RIGI: variants seen among roughly 807,000 people sequenced by gnomAD.
RIGI encodes the protein antiviral innate immune response receptor RIG-I.
At chr9:32,480,222 C>T in the RIGI span, 6 of 1,595,140 alleles carry the variant, frequency 3.8e-6, no homozygotes, top group Non-Finnish European at 5.1e-6. Context: ...CACTCACCTT[C>T]AAATCTCTGA....
chr9:32,465,139 A>C, the RIGI span, among the ~76,000 whole-genome samples: 25 of 152,366 alleles, frequency 1.6e-4, no homozygotes, highest in East Asian at 4.8e-3. Flanking sequence ...TGGCTCAGTG[A>C]AGAGAGAATA....
At chr9:32,493,821 G>C in the RIGI span, 1 of 1,609,702 alleles carries the variant, frequency 6.2e-7, no homozygotes, top group African/African-American at 1.3e-5. Flanking sequence ...AAATGATATC[G>C]GTTGGGATAA....
At chr9:32,459,382 T>G in the RIGI span, 1 of 1,613,476 alleles carries the variant, frequency 6.2e-7, no homozygotes, top group East Asian at 2.2e-5. Flanking sequence ...TCTATCACTC[T>G]TACGTCAGCT....
the RIGI span, among the ~76,000 whole-genome samples, chr9:32,479,643 T>C: frequency 6.6e-6 from 1 of 151,860 alleles, no homozygotes; most frequent in East Asian, 1.9e-4. Context: ...TTGAGACCAA[T>C]CTGGCCAACA....
chr9:32,504,680 C>G, the RIGI span, among the ~76,000 whole-genome samples: 1 of 121,944 alleles, frequency 8.2e-6, no homozygotes, highest in South Asian at 2.9e-4. Flanking sequence ...GCAAGGCTGT[C>G]TCAAAAACAT....
the RIGI span, among the ~76,000 whole-genome samples, chr9:32,493,044 A>G: frequency 6.6e-6 from 1 of 152,210 alleles, no homozygotes; most frequent in Non-Finnish European, 1.5e-5. Flanking sequence ...ATTATAAGGT[A>G]ACATTATTAT....
At chr9:32,477,940 GAAAA>G in the RIGI span, among the ~76,000 whole-genome samples, 4 of 151,500 alleles carry the variant, frequency 2.6e-5, no homozygotes, top group African/African-American at 9.7e-5. Flanking sequence ...AAAGGAAAAA[GAAAA>G]AAAATACATA....
At chr9:32,483,912 A>G in the RIGI span, among the ~76,000 whole-genome samples, 1 of 152,044 alleles carries the variant, frequency 6.6e-6, no homozygotes, top group Non-Finnish European at 1.5e-5. Flanking sequence ...CTGCTTTAGT[A>G]TTAGTATTAC....
At chr9:32,508,558 C>T in the RIGI span, among the ~76,000 whole-genome samples, 1 of 152,048 alleles carries the variant, frequency 6.6e-6, no homozygotes, top group Non-Finnish European at 1.5e-5. Flanking sequence ...AGGAACAGTG[C>T]ACCCTGGCCC....
At chr9:32,480,450 A>G in the RIGI span, 34 of 1,263,562 alleles carry the variant, frequency 2.7e-5, 1 homozygote, top group Admixed American at 7.0e-4. Context: ...TTGTTTTAAG[A>G]AAACTTTTCT....
chr9:32,491,694 C>T, the RIGI span, among the ~76,000 whole-genome samples: 3,932 of 132,882 alleles, frequency 0.03, 147 homozygotes, highest in African/African-American at 0.091. Flanking sequence ...AACAAGACCT[C>T]GGAGGGATTC....
At chr9:32,485,295 A>G in the RIGI span, 84 of 1,522,182 alleles carry the variant, frequency 5.5e-5, 1 homozygote, top group Non-Finnish European at 7.1e-5. Flanking sequence ...GACGTCAAAA[A>G]AAAAAGAAAA....
At chr9:32,509,711 C>T in the RIGI span, among the ~76,000 whole-genome samples, 1 of 152,116 alleles carries the variant, frequency 6.6e-6, no homozygotes, top group East Asian at 1.9e-4. Context: ...TTGCCAGCAA[C>T]GGAACAAAAC....
chr9:32,515,292 T>C, the RIGI span, among the ~76,000 whole-genome samples: 1 of 129,818 alleles, frequency 7.7e-6, no homozygotes, highest in South Asian at 2.8e-4. Context: ...CACTCCAGCC[T>C]GGGTGACAGA....
At chr9:32,516,317 C>G in the RIGI span, among the ~76,000 whole-genome samples, 1 of 152,168 alleles carries the variant, frequency 6.6e-6, no homozygotes, top group Non-Finnish European at 1.5e-5. Flanking sequence ...GGCTACAGCT[C>G]CCAATTAAAG....
At chr9:32,462,862 A>C in the RIGI span, among the ~76,000 whole-genome samples, 5 of 152,334 alleles carry the variant, frequency 3.3e-5, no homozygotes, top group Admixed American at 1.3e-4. Context: ...GATTTAAAAA[A>C]ACAAATATAC....
At chr9:32,511,238 A>G in the RIGI span, among the ~76,000 whole-genome samples, 2 of 152,212 alleles carry the variant, frequency 1.3e-5, no homozygotes, top group South Asian at 4.1e-4. Flanking sequence ...AAGCTGACCT[A>G]GTAGACATCT....
the RIGI span, chr9:32,456,882 T>C: frequency 1.3e-5 from 6 of 458,104 alleles, no homozygotes; most frequent in African/African-American, 1.9e-5. Context: ...AAAAGAAGGC[T>C]AGAAATGAGG....
chr9:32,509,554 C>T, the RIGI span, among the ~76,000 whole-genome samples: 9 of 152,166 alleles, frequency 5.9e-5, no homozygotes, highest in Middle Eastern at 3.4e-3. Context: ...TCAATATCAA[C>T]GAAAAGGACA....
Sources: gnomAD v4.1 joint callset for allele counts (sites outside exome capture counted in the v4.1 genomes callset) on GRCh38, gnomAD v4.1.1 for gene constraint, MANE v1.5 for transcripts, NCBI Gene and HGNC (gene_info 2026-07-23, HGNC 2026-07-21) for gene names.